The following UGT1A10 variants were observed in gnomAD, a reference collection of about 807,000 sequenced individuals.
UGT1A10 encodes the protein UDP glucuronosyltransferase family 1 member A10.
A neutral mutation model predicts 45.8 loss-of-function variants in UGT1A10; 49 were observed. That is an observed-to-expected ratio of 1.07 (90% CI 0.85 to 1.36). UGT1A10 has a LOEUF of 1.36. Among genes scored for constraint, UGT1A10 ranks in the 40% most tolerant of loss-of-function variants. UGT1A10 has a pLI of 0.00. For missense variants in UGT1A10, 745 were observed against 668.6 expected (o/e 1.11, Z -1.26); for synonymous variants, 284 against 249.7 (o/e 1.14, Z -1.29).
At chr2:233,749,028 G>A (rs564218690) in intron 1 of UGT1A10, among the ~76,000 whole-genome samples, 2 of 151,604 alleles carry the variant, frequency 1.3e-5, no homozygotes, top group Non-Finnish European at 2.9e-5. Flanking sequence ...AATATTTGGG[G>A]TTCATTGATG....
chr2:233,750,285 G>A (rs886934345), intron 1 of UGT1A10, among the ~76,000 whole-genome samples: 2 of 151,944 alleles, frequency 1.3e-5, no homozygotes, highest in African/African-American at 4.9e-5. Context: ...GAGACTGGTG[G>A]CATTTTGCCC....
intron 1 of UGT1A10, among the ~76,000 whole-genome samples, chr2:233,736,576 T>G: frequency 6.6e-6 from 1 of 152,372 alleles, no homozygotes; most frequent in Admixed American, 6.5e-5. Flanking sequence ...TGTGATCCTT[T>G]GGAGGAGATG....
At chr2:233,643,944 C>T (rs113213917) in intron 1 of UGT1A10, among the ~76,000 whole-genome samples, 1 of 152,188 alleles carries the variant, frequency 6.6e-6, no homozygotes, top group Non-Finnish European at 1.5e-5. Flanking sequence ...GTCCTCCCCA[C>T]TTTTCCCTCT....
chr2:233,656,841 T>C (rs1339557150), intron 1 of UGT1A10, among the ~76,000 whole-genome samples: 1 of 152,086 alleles, frequency 6.6e-6, no homozygotes, highest in East Asian at 1.9e-4. Flanking sequence ...TTCTTTTCAG[T>C]TTACACGTTC....
At position 233,737,636 on chromosome 2, in the gene UGT1A10, C is replaced by T. The variant is rs531826913; in HGVS notation, c.856-29398C>T. ...AAATGCAGAAATCATCCATCTTCTGCGTCGATCATGCTGGGAGCTGCAGAT... is the reference window on the plus strand; with the variant it reads ...AAATGCAGAAATCATCCATCTTCTGTGTCGATCATGCTGGGAGCTGCAGAT... On this transcript the variant is annotated intron_variant, in intron 1 of 4. Coordinates refer to ENST00000344644, the MANE Select transcript of UGT1A10 (RefSeq NM_019075.4). Among the ~76,000 whole-genome samples the T allele has an allele frequency of 5.3e-5, 8 of 152,322 alleles. No individual in the cohort carries two copies. In the East Asian group the frequency reaches 5.8e-4, roughly 11 times the overall value.
At chr2:233,730,565 C>T (rs28898621) in intron 1 of UGT1A10, among the ~76,000 whole-genome samples, 10,381 of 152,078 alleles carry the variant, frequency 0.068, 502 homozygotes, top group East Asian at 0.2. Context: ...GAATGACACA[C>T]GAAGTTCAGT....
At chr2:233,737,730 T>C (rs558595206) in intron 1 of UGT1A10, among the ~76,000 whole-genome samples, 10 of 152,254 alleles carry the variant, frequency 6.6e-5, no homozygotes, top group East Asian at 3.9e-4. Context: ...CCTTTTTTTT[T>C]CCTTTTCTCT....
At chr2:233,760,858 T>C (rs1196570380) in intron 1 of UGT1A10, 1 of 1,614,090 alleles carries the variant, frequency 6.2e-7, no homozygotes, top group Non-Finnish European at 8.5e-7. Flanking sequence ...CAACCCATTC[T>C]CCTACGTGCC....
At chr2:233,647,932 A>G (rs1405412043) in intron 1 of UGT1A10, 44 of 1,604,464 alleles carry the variant, frequency 2.7e-5, no homozygotes, top group Non-Finnish European at 3.5e-5. Flanking sequence ...CTCACTGCCC[A>G]TGGATGGGAG....
At position 233,713,306 on chromosome 2, in the gene UGT1A10, T is replaced by C. The variant is rs756011184; in HGVS notation, c.856-53728T>C. The C allele has an allele frequency of 9.9e-6, 16 of 1,614,116 alleles. No homozygotes were observed. In the African/African-American group the frequency reaches 1.7e-4, roughly 17 times the overall value. ...CTCAATCGTTCTTTGAAACAGAACA[T>C]CTTCTGATGAAATTTTCTAGAAGAA... On this transcript the variant is annotated intron_variant, in intron 1 of 4. Transcript: ENST00000344644.
intron 1 of UGT1A10, among the ~76,000 whole-genome samples, chr2:233,644,907 G>C (rs2073558277): frequency 6.6e-6 from 1 of 151,892 alleles, no homozygotes; most frequent in African/African-American, 2.4e-5. Flanking sequence ...TGTCTTCTCT[G>C]TCCAGATTCT....
At chr2:233,682,786 G>C in intron 1 of UGT1A10, 1 of 1,612,112 alleles carries the variant, frequency 6.2e-7, no homozygotes, top group Non-Finnish European at 8.5e-7. Context: ...GAAAGCCAGT[G>C]CCTATGGTAA....
At chr2:233,754,435 G>T (rs1695484691) in intron 1 of UGT1A10, 21 of 350,618 alleles carry the variant, frequency 6.0e-5, no homozygotes, top group South Asian at 4.7e-4. Context: ...GGCATAAAGT[G>T]TTTATAAATT....
intron 1 of UGT1A10, chr2:233,743,760 A>T: frequency 7.3e-7 from 1 of 1,367,362 alleles, no homozygotes; most frequent in South Asian, 1.1e-5. Flanking sequence ...AACACCTCGT[A>T]GGCCTCGGCC....
At chr2:233,741,922 TG>T (rs1282682556) in intron 1 of UGT1A10, 2 of 151,910 alleles carry the variant, frequency 1.3e-5, no homozygotes, top group Non-Finnish European at 2.9e-5. Flanking sequence ...GGTCTTCATT[TG>T]GGGCATAACC....
chr2:233,700,115 T>C (rs2075545097), intron 1 of UGT1A10, among the ~76,000 whole-genome samples: 1 of 152,244 alleles, frequency 6.6e-6, no homozygotes, highest in South Asian at 2.1e-4. Flanking sequence ...GCAAGGATCC[T>C]GTGCCCACCC....
rs1469061208 is a variant in UGT1A10, at chr2:233,637,051, C to G, written c.529C>G (p.Leu177Val). 1 of 1,614,030 alleles carries G rather than the reference C, an allele frequency of 6.2e-7. No homozygotes were observed. The highest frequency in any genetic ancestry group is 1.1e-5 in the South Asian group (1 of 91,074). Residue 177 changes from leucine to valine, a missense_variant, in exon 1 of 5, where the codon CTT becomes GTT. Transcript: ENST00000344644. ...CACCAGGGGAATATTTTGCCACCAT[C>G]TTGAAGAAGGTGCACAGTGCCCTGC... Reference protein sequence around the residue: ...VFTRGIFCHHLEEGAQCPAPL... With the variant: ...VFTRGIFCHHVEEGAQCPAPL...
At chr2:233,658,018 CTT>C (rs34352422) in intron 1 of UGT1A10, among the ~76,000 whole-genome samples, 29,760 of 128,172 alleles carry the variant, frequency 0.23, 2,995 homozygotes, top group East Asian at 0.48. Flanking sequence ...GTTTCCTCCT[CTT>C]TTTTTTTTTT....
chr2:233,755,356 C>T, intron 1 of UGT1A10: 1 of 377,544 alleles, frequency 2.6e-6, no homozygotes, highest in Non-Finnish European at 4.9e-6. Context: ...GCTTGGCGAC[C>T]TGGGCCGCCT....
Sources: gnomAD v4.1 joint callset for allele counts (sites outside exome capture counted in the v4.1 genomes callset) on GRCh38, gnomAD v4.1.1 for gene constraint, MANE v1.5 for transcripts, NCBI Gene and HGNC (gene_info 2026-07-23, HGNC 2026-07-21) for gene names.